The following CIZ1 variants were observed in gnomAD, a reference collection of about 807,000 sequenced individuals.
The protein encoded by CIZ1 is CDKN1A interacting zinc finger protein 1.
In CIZ1, 58 loss-of-function variants were observed where a neutral mutation model predicts 118.6. That is an observed-to-expected ratio of 0.49 (90% CI 0.40 to 0.61). The LOEUF (loss-of-function observed/expected upper bound fraction) is 0.61. Among genes scored for constraint, CIZ1 ranks in the 20% least tolerant of loss-of-function variants. The pLI is 0.00. For missense variants in CIZ1, 921 were observed against 1,115.9 expected (o/e 0.83, Z 2.49); for synonymous variants, 448 against 443.4 (o/e 1.01, Z -0.13).
Position 128,203,694 on chromosome 9 carries a change from G to A in CIZ1, c.-6+492C>T. 4 of 1,372,500 alleles carry A rather than the reference G, an allele frequency of 2.9e-6. No individual in the cohort carries two copies. Among genetic ancestry groups the A allele is most frequent in the East Asian group, 3.1e-5 (1 of 31,978 alleles). The allele number at this position is 1,372,500 out of a possible 1,614,324, so 85.0% of individuals were successfully genotyped here. The stretch of plus-strand genomic sequence containing the variant: ...CCCGGGATCCCTGGAGTCCCCGCCC[G>A]GGGCACTGACGGCGCGGCGACCTCG... On this transcript the variant is annotated intron_variant, in intron 1 of 17. Transcript: ENST00000372948. This position sits in a 1 kb window ranked among gnomAD's most constrained non-coding sequence, Gnocchi z 5.3.
chr9:128,200,947 G>A (rs185947530), intron 1 of CIZ1, among the ~76,000 whole-genome samples: 19 of 151,964 alleles, frequency 1.3e-4, no homozygotes, highest in Admixed American at 5.9e-4. Flanking sequence ...CATCCCGGCC[G>A]ACATGGTGAA....
At chr9:128,188,117 C>CAAAA (rs34796767) in intron 3 of CIZ1, among the ~76,000 whole-genome samples, 183 bp from the exon 4 acceptor site, 1 of 104,788 alleles carries the variant, frequency 9.5e-6, no homozygotes, top group Non-Finnish European at 1.9e-5. Flanking sequence ...AAGAAAAAAG[C>CAAAA]AAAAAAAAAA....
Position 128,203,794 on chromosome 9 carries a change from C to T in CIZ1, c.-6+392G>A, listed in dbSNP as rs1198503127. Reference sequence around the variant, plus strand: ...GAGCGAGGAGGCCCTCCCCCCACCACGAGAGCCCCTCGGGGCAGCAGCGCC... The same window carrying T: ...GAGCGAGGAGGCCCTCCCCCCACCATGAGAGCCCCTCGGGGCAGCAGCGCC... On this transcript the variant is annotated intron_variant, in intron 1 of 17. Coordinates refer to the CIZ1 transcript ENST00000372948. This position sits in a 1 kb window ranked among gnomAD's most constrained non-coding sequence, Gnocchi z 5.3. Among the ~76,000 whole-genome samples the T allele has an allele frequency of 6.7e-6, 1 of 149,912 alleles. No homozygotes were observed. Among genetic ancestry groups the T allele is most frequent in the Non-Finnish European group, 1.5e-5 (1 of 67,190 alleles).
At chr9:128,184,498 T>G (rs963444302) in intron 5 of CIZ1, among the ~76,000 whole-genome samples, 1 of 148,190 alleles carries the variant, frequency 6.7e-6, no homozygotes, top group African/African-American at 2.5e-5. Context: ...GATTTTTTTT[T>G]TTTTTTTTTT....
intron 7 of CIZ1, among the ~76,000 whole-genome samples, chr9:128,179,668 G>A (rs1240169310): frequency 6.6e-6 from 1 of 151,554 alleles, no homozygotes; most frequent in Admixed American, 6.6e-5. Flanking sequence ...TTGGTTTTTT[G>A]TTGTTGTTTG....
intron 5 of CIZ1, among the ~76,000 whole-genome samples, chr9:128,182,393 G>A (rs1055648098): frequency 5.9e-5 from 9 of 152,018 alleles, no homozygotes; most frequent in East Asian, 1.9e-4. Flanking sequence ...TGCCCGCCTC[G>A]GCCTCCCAAA....
chr9:128,176,346 C>A lies in CIZ1; in HGVS notation c.1943+5G>T, dbSNP rs1188027898. ...AACACAGAGCTTCCACGATCCCCCA[C>A]TCACTCATCCTCTGTCTCCAGGACG... On this transcript the variant is annotated splice_donor_5th_base_variant and intron_variant, in intron 11 of 16. Transcript: ENST00000372938. 1 of 1,613,544 alleles carries A rather than the reference C, an allele frequency of 6.2e-7. No homozygotes were observed. Among genetic ancestry groups the A allele is most frequent in the Non-Finnish European group, 8.5e-7 (1 of 1,179,736 alleles).
At position 128,178,501 on chromosome 9, in the gene CIZ1, A is replaced by G. The variant is rs1238100772; in HGVS notation, c.1499-11T>C. Reference sequence around the variant, plus strand: ...AGGTCTTTTCCATGCCTGAAATGACAGATGTGCTGTATTTCCCAGAGTCCC... The same window carrying G: ...AGGTCTTTTCCATGCCTGAAATGACGGATGTGCTGTATTTCCCAGAGTCCC... On this transcript the variant is annotated splice_polypyrimidine_tract_variant and intron_variant, in intron 8 of 16. Transcript: ENST00000372938. 6.2e-7 allele frequency: 1 copy of G among 1,614,156 alleles called. No individual in the cohort carries two copies. The highest frequency in any genetic ancestry group is 2.2e-5 in the East Asian group (1 of 44,882).
At chr9:128,197,270 C>T (rs7023128) in intron 1 of CIZ1, 138,779 of 152,292 alleles carry the variant, frequency 0.91, 64,072 homozygotes, top group Non-Finnish European at 0.98. Flanking sequence ...CTCAGGTTAG[C>T]GTTCATCATA....
intron 11 of CIZ1, among the ~76,000 whole-genome samples, chr9:128,171,083 C>T (rs1748218459): frequency 6.6e-6 from 1 of 151,932 alleles, no homozygotes; most frequent in Non-Finnish European, 1.5e-5. Flanking sequence ...CCATGACTGC[C>T]ACTGCACTCC....
At chr9:128,201,436 G>A (rs1833513835) in intron 1 of CIZ1, among the ~76,000 whole-genome samples, 1 of 152,212 alleles carries the variant, frequency 6.6e-6, no homozygotes, top group African/African-American at 2.4e-5. Flanking sequence ...GCGACAGAGT[G>A]AGACTCCGTC....
intron 4 of CIZ1, among the ~76,000 whole-genome samples, chr9:128,186,003 G>C (rs1316181655): frequency 6.6e-6 from 1 of 152,074 alleles, no homozygotes; most frequent in Non-Finnish European, 1.5e-5. Context: ...AGCTAGGGGT[G>C]GGGGTGTTGC....
At chr9:128,187,403 C>T (rs1255606657) in intron 4 of CIZ1, among the ~76,000 whole-genome samples, 1 of 152,150 alleles carries the variant, frequency 6.6e-6, no homozygotes, top group Non-Finnish European at 1.5e-5. Flanking sequence ...GTGCTGTGAG[C>T]GCTGGGTTCA....
intron 11 of CIZ1, among the ~76,000 whole-genome samples, chr9:128,170,676 T>G (rs1830019704): frequency 6.6e-6 from 1 of 152,162 alleles, no homozygotes; most frequent in African/African-American, 2.4e-5. Flanking sequence ...ATTCTGCTTC[T>G]GATAAATTGG....
At chr9:128,201,203 G>T (rs1054534665) in intron 1 of CIZ1, among the ~76,000 whole-genome samples, 3 of 152,080 alleles carry the variant, frequency 2.0e-5, no homozygotes, top group African/African-American at 7.3e-5. Flanking sequence ...AGGAGGTGGA[G>T]GTTGCAGTGA....
chr9:128,170,370 T>A (rs1829981772), intron 11 of CIZ1, among the ~76,000 whole-genome samples: 1 of 152,226 alleles, frequency 6.6e-6, no homozygotes, highest in Non-Finnish European at 1.5e-5. Flanking sequence ...AACTGTGTAG[T>A]GTGATGTACA....
In CIZ1 at chr9:128,176,587, C is replaced by T. The variant is rs974408369; in HGVS notation, c.1819-112G>A. Reference sequence around the variant, plus strand: ...CTCATCACTGTGCGCCCATTTCTCTCACCACACATTTCTCTCTTGTGTAGG... The same window carrying T: ...CTCATCACTGTGCGCCCATTTCTCTTACCACACATTTCTCTCTTGTGTAGG... On this transcript the variant is annotated intron_variant, in intron 10 of 16. Transcript: ENST00000372938. 9 of 1,093,120 alleles carry T rather than the reference C, an allele frequency of 8.2e-6. No homozygotes were observed. The African/African-American group carries it at 1.1e-4, about 13-fold the overall frequency. The allele number at this position is 1,093,120 out of a possible 1,614,324, so 67.7% of individuals were successfully genotyped here. A position where few individuals can be genotyped will look rare whatever the true frequency, so the allele number is the denominator to read the frequency against.
At position 128,179,069 on chromosome 9, in the gene CIZ1, G is replaced by A. The variant is rs768546424; in HGVS notation, c.1138C>T (p.Gln380Ter). ...GGGCCCTGTGAATGTGCCTGTGGCT[G>A]TACCTGTGGCTGCACCTGCTTCTGT... Reference protein sequence around the residue: ...EPQKQVQPQVQPQAHSQGPRQ... With the variant: ...EPQKQVQPQV Residue 380 changes from glutamine to a stop codon, truncating the protein, a stop_gained, in exon 8 of 17, where the codon CAG becomes TAG. Coordinates refer to ENST00000372938, the MANE Select transcript of CIZ1 (RefSeq NM_001131016.2). LOFTEE classifies it high-confidence loss of function. 2 of 1,613,284 alleles carry A rather than the reference G, an allele frequency of 1.2e-6. No individual in the cohort carries two copies. The highest frequency in any genetic ancestry group is 2.2e-5 in the East Asian group (1 of 44,894).
At chr9:128,167,377 T>A (rs1199519185) in intron 14 of CIZ1, 2 of 536,366 alleles carry the variant, frequency 3.7e-6, no homozygotes, top group Non-Finnish European at 6.5e-6. Flanking sequence ...TCTGTTCAAC[T>A]AGCCCCCTCC....
Sources: allele counts gnomAD v4.1 joint callset (sites outside exome capture counted in the v4.1 genomes callset), GRCh38; gene constraint gnomAD v4.1.1; non-coding constraint Gnocchi (gnomAD v3.1); transcripts MANE v1.5; gene names NCBI Gene and HGNC (gene_info 2026-07-23, HGNC 2026-07-21).